Variants in RSRC1 observed in about 807,000 individuals in gnomAD.
RSRC1 encodes the protein arginine and serine rich coiled-coil 1.
A neutral mutation model predicts 49.1 loss-of-function variants in RSRC1; 39 were observed. That is an observed-to-expected ratio of 0.79 (90% CI 0.61 to 1.04). RSRC1 has a LOEUF of 1.04. Ranked by LOEUF, RSRC1 falls within the 50% of genes least tolerant of loss-of-function variation. The pLI is 0.00. For missense variants in RSRC1, 388 were observed against 402.4 expected, an observed-to-expected ratio of 0.96 and a Z score of 0.31; for synonymous variants, 143 against 130.8, an observed-to-expected ratio of 1.09 and a Z score of -0.63.
chr3:158,160,588 G>A lies in RSRC1; in HGVS notation c.320+36597G>A, dbSNP rs1309855997. On this transcript the variant is annotated intron_variant, in intron 3 of 9. Transcript: ENST00000611884. The stretch of plus-strand genomic sequence containing the variant: ...AGGAGAAAAGTGATTAGTAAGATCC[G>A]AGAGAAAGGGAAGGGCTCTTTTCTG... Among the ~76,000 whole-genome samples the A allele has an allele frequency of 5.3e-5, 8 of 152,168 alleles. No individual in the cohort carries two copies. In the South Asian group the frequency reaches 1.2e-3, roughly 24 times the overall value.
At chr3:158,114,779 A>C (rs905157376) in intron 1 of RSRC1, among the ~76,000 whole-genome samples, 1 of 152,136 alleles carries the variant, frequency 6.6e-6, no homozygotes. Context: ...ATGGGAGTTC[A>C]TTCATGATTT....
At chr3:158,402,210 A>G (rs1388572851) in intron 6 of RSRC1, among the ~76,000 whole-genome samples, 1 of 151,934 alleles carries the variant, frequency 6.6e-6, no homozygotes, top group East Asian at 1.9e-4. Context: ...GAGTTTGACC[A>G]TTCAATTTCT....
chr3:158,220,933 T>C (rs1304796065), intron 4 of RSRC1, among the ~76,000 whole-genome samples: 1 of 151,592 alleles, frequency 6.6e-6, no homozygotes, highest in African/African-American at 2.4e-5. Context: ...CCATTTACTT[T>C]GCAGAAAAGA....
Position 158,190,781 on chromosome 3 carries a change from T to A in RSRC1, c.321-12291T>A, listed in dbSNP as rs994167993. 2.0e-5 allele frequency among the ~76,000 whole-genome samples: 3 copies of A among 152,006 alleles called. No homozygotes were observed. The East Asian group carries it at 5.8e-4, about 29-fold the overall frequency. On this transcript the variant is annotated intron_variant, in intron 3 of 9. Transcript: ENST00000611884. ...ATAGTTGCTTTGTATGGATGTTGGA[T>A]TCTCTTTTTATGTCGTTCTTGATAA...
At chr3:158,177,753 T>C (rs1265350427) in intron 3 of RSRC1, among the ~76,000 whole-genome samples, 1 of 152,148 alleles carries the variant, frequency 6.6e-6, no homozygotes, top group Non-Finnish European at 1.5e-5. Context: ...GTAACAAACC[T>C]GCACTCTGCA....
intron 8 of RSRC1, among the ~76,000 whole-genome samples, chr3:158,538,517 GAA>G (rs924106722): frequency 1.3e-5 from 2 of 151,766 alleles, no homozygotes; most frequent in African/African-American, 4.8e-5. Flanking sequence ...ATTTGTTTGT[GAA>G]GTTTACCCTG....
chr3:158,214,326 G>C (rs1721840023), intron 4 of RSRC1, among the ~76,000 whole-genome samples: 1 of 151,740 alleles, frequency 6.6e-6, no homozygotes, highest in Non-Finnish European at 1.5e-5. Flanking sequence ...TGTGTGACCT[G>C]TAGTGATAAC....
At chr3:158,373,754 C>T (rs541957825) in intron 6 of RSRC1, among the ~76,000 whole-genome samples, 3 of 152,044 alleles carry the variant, frequency 2.0e-5, no homozygotes, top group Non-Finnish European at 4.4e-5. Context: ...TCCCCTGTAA[C>T]TAACATGGTA....
At chr3:158,458,817 A>G (rs965826998) in intron 6 of RSRC1, among the ~76,000 whole-genome samples, 2 of 152,204 alleles carry the variant, frequency 1.3e-5, no homozygotes, top group Non-Finnish European at 2.9e-5. Context: ...TTGAGAATAC[A>G]AAAATTTGCA....
intron 7 of RSRC1, among the ~76,000 whole-genome samples, chr3:158,494,739 C>T (rs1197823686): frequency 1.3e-5 from 2 of 151,968 alleles, no homozygotes; most frequent in Non-Finnish European, 2.9e-5. Flanking sequence ...AAAACTAGGA[C>T]TCAAACACAT....
At chr3:158,297,917 T>C in intron 4 of RSRC1, 122 bp from the exon 5 acceptor site, 1 of 705,604 alleles carries the variant, frequency 1.4e-6, no homozygotes, top group East Asian at 2.7e-5. Context: ...AAAAACAGTG[T>C]TATGAACATA....
chr3:158,192,809 C>T (rs759490793), intron 3 of RSRC1, among the ~76,000 whole-genome samples: 15 of 151,822 alleles, frequency 9.9e-5, no homozygotes, highest in Non-Finnish European at 1.6e-4. Context: ...ATTTGGCTGC[C>T]GAGGGTTATC....
intron 6 of RSRC1, among the ~76,000 whole-genome samples, chr3:158,396,247 T>C (rs1733603951): frequency 6.6e-6 from 1 of 152,084 alleles, no homozygotes; most frequent in Non-Finnish European, 1.5e-5. Context: ...ACTATGCTTA[T>C]CATCTGGGTG....
At chr3:158,296,533 A>G (rs1578303452) in intron 4 of RSRC1, among the ~76,000 whole-genome samples, 2 of 152,200 alleles carry the variant, frequency 1.3e-5, no homozygotes, top group South Asian at 4.1e-4. Flanking sequence ...ATTTTAAGTT[A>G]TACAAATAAC....
chr3:158,131,002 T>C (rs1376633712), intron 3 of RSRC1, among the ~76,000 whole-genome samples: 1 of 152,116 alleles, frequency 6.6e-6, no homozygotes, highest in Non-Finnish European at 1.5e-5. Context: ...CTCATTGCAG[T>C]GTCTAGGATC....
At chr3:158,159,714 A>G (rs1434831651) in intron 3 of RSRC1, among the ~76,000 whole-genome samples, 1 of 152,114 alleles carries the variant, frequency 6.6e-6, no homozygotes, top group African/African-American at 2.4e-5. Flanking sequence ...CTAAATGATT[A>G]TTTCATCACT....
chr3:158,422,453 A>G (rs1578456376), intron 6 of RSRC1, among the ~76,000 whole-genome samples: 1 of 151,134 alleles, frequency 6.6e-6, no homozygotes, highest in Non-Finnish European at 1.5e-5. Context: ...TATGTGCCAC[A>G]TTTTCTTAAT....
intron 8 of RSRC1, among the ~76,000 whole-genome samples, chr3:158,542,294 G>GC (rs1386915300): frequency 6.6e-6 from 1 of 152,180 alleles, no homozygotes; most frequent in African/African-American, 2.4e-5. Context: ...ACTTTGGGAG[G>GC]CCAAGGCGGG....
At chr3:158,258,257 C>T (rs139609421) in intron 4 of RSRC1, among the ~76,000 whole-genome samples, 52 of 82,142 alleles carry the variant, frequency 6.3e-4, no homozygotes, top group Middle Eastern at 0.013. Flanking sequence ...AGTCCCTTAG[C>T]ATTTGTTTGT....
Sources: allele counts gnomAD v4.1 joint callset (sites outside exome capture counted in the v4.1 genomes callset), GRCh38; gene constraint gnomAD v4.1.1; transcripts MANE v1.5; gene names NCBI Gene and HGNC (gene_info 2026-07-23, HGNC 2026-07-21).